The following ERI1 variants were observed in gnomAD, a reference collection of about 807,000 sequenced individuals.
The protein encoded by ERI1 is exoribonuclease 1.
Under a neutral mutation model 39.7 loss-of-function variants are expected in ERI1, and 39 were observed. That is an observed-to-expected ratio of 0.98 (90% confidence interval 0.76 to 1.28). The LOEUF is 1.28. ERI1 is among the 50% of genes most tolerant of loss of function. The pLI is 0.00. For missense variants in ERI1, 581 were observed against 416.9 expected (o/e 1.39, Z -3.43); for synonymous variants, 204 against 149.6 (o/e 1.36, Z -2.65).
chr8:9,028,952 T>G (rs953718248), intron 6 of ERI1, among the ~76,000 whole-genome samples: 38 of 150,710 alleles, frequency 2.5e-4, no homozygotes, highest in African/African-American at 8.8e-4. Context: ...AGGCACATAT[T>G]GGAATTTGGG....
At chr8:9,095,170 C>T (rs1799837370) in intron 3 of ERI1, among the ~76,000 whole-genome samples, 1 of 152,186 alleles carries the variant, frequency 6.6e-6, no homozygotes, top group African/African-American at 2.4e-5. Context: ...TGTAGGGCTT[C>T]ATGAGTGCTA....
At chr8:9,027,620 T>A (rs1455969060) in intron 6 of ERI1, among the ~76,000 whole-genome samples, 1 of 152,208 alleles carries the variant, frequency 6.6e-6, no homozygotes, top group Non-Finnish European at 1.5e-5. Flanking sequence ...TGTCTTACAT[T>A]TAGGTCTTTG....
chr8:9,007,989 T>G lies in ERI1; in HGVS notation c.128T>G (p.Phe43Cys), dbSNP rs1382629413. Reference protein sequence around the residue: ...PSPEETQQCKFDGQETKGSKF... With the variant: ...PSPEETQQCKCDGQETKGSKF... Reference sequence around the variant, plus strand: ...TGGTAGGAAACTCAACAGTGTAAATTTGATGGCCAGGAGACAAAAGGATCC... The same window carrying G: ...TGGTAGGAAACTCAACAGTGTAAATGTGATGGCCAGGAGACAAAAGGATCC... Residue 43 changes from phenylalanine to cysteine, a missense_variant, in exon 2 of 7, where the codon TTT (phenylalanine) becomes TGT (cysteine). Phe to Cys is a radical substitution (Grantham distance 205). Transcript: ENST00000250263. 2 of 1,588,086 alleles carry G rather than the reference T, an allele frequency of 1.3e-6. No homozygotes were observed. Among genetic ancestry groups the G allele is most frequent in the Non-Finnish European group, 1.7e-6 (2 of 1,173,454 alleles).
chr8:9,066,341 T>C (rs1373006031), intron 3 of ERI1, among the ~76,000 whole-genome samples: 3 of 152,218 alleles, frequency 2.0e-5, no homozygotes, highest in African/African-American at 7.2e-5. Context: ...CACAGATGGA[T>C]GTCTGTGACA....
At chr8:9,059,047 G>T (rs3958882) in intron 3 of ERI1, among the ~76,000 whole-genome samples, 1 of 152,012 alleles carries the variant, frequency 6.6e-6, no homozygotes, top group Non-Finnish European at 1.5e-5. Context: ...CCGTTTTATA[G>T]GATTTGGGTA....
Position 9,068,205 on chromosome 8 carries a change from A to C in ERI1, n.299+47741A>C, listed in dbSNP as rs200262969. ...AATAGTATTATATACAATTGACCTG[A>C]GACTGTCTCAGATTTAAAGAAGCGT... On this transcript the variant is annotated intron_variant and non_coding_transcript_variant, in intron 3 of 3. Transcript: ENST00000518663. Among the ~76,000 whole-genome samples, 23 of 152,304 alleles carry C rather than the reference A, an allele frequency of 1.5e-4. No individual in the cohort carries two copies. The East Asian group carries it at 4.0e-3, about 27-fold the overall frequency.
At chr8:9,065,424 A>G (rs986578851) in intron 3 of ERI1, among the ~76,000 whole-genome samples, 1 of 152,166 alleles carries the variant, frequency 6.6e-6, no homozygotes, top group African/African-American at 2.4e-5. Context: ...AGCTGGGCGC[A>G]GTGGCTCACA....
intron 3 of ERI1, among the ~76,000 whole-genome samples, chr8:9,075,144 A>T (rs1799168660): frequency 6.6e-6 from 1 of 152,194 alleles, no homozygotes; most frequent in Non-Finnish European, 1.5e-5. Flanking sequence ...ATGTTTTCTA[A>T]ATGAATCTGA....
rs74692219 is a variant in ERI1, at chr8:9,020,900, T to G, written c.807+436T>G. 5.9e-5 allele frequency among the ~76,000 whole-genome samples: 9 copies of G among 152,328 alleles called. No individual in the cohort carries two copies. In the East Asian group the frequency reaches 1.5e-3, roughly 26 times the overall value. On this transcript the variant is annotated intron_variant, in intron 6 of 6. Coordinates refer to ENST00000250263, the MANE Select transcript of ERI1 (RefSeq NM_153332.4). ...TTCTGAGGCAAACACTTTCAACTTA[T>G]GTAAAGCTCTGTTTTTGTTTTTGTT...
chr8:9,087,139 C>T (rs1376435287), intron 3 of ERI1, among the ~76,000 whole-genome samples: 1 of 152,032 alleles, frequency 6.6e-6, no homozygotes, highest in Non-Finnish European at 1.5e-5. Context: ...CCCACCAACC[C>T]ATCATCTAGG....
At chr8:9,043,584 CTT>C (rs1011158054) in intron 3 of ERI1, among the ~76,000 whole-genome samples, 4 of 152,204 alleles carry the variant, frequency 2.6e-5, no homozygotes, top group African/African-American at 9.7e-5. Context: ...TTGGTAGAAA[CTT>C]TTAAATAGAT....
At chr8:9,038,690 G>A (rs1797927695) in intron 3 of ERI1, among the ~76,000 whole-genome samples, 1 of 152,228 alleles carries the variant, frequency 6.6e-6, no homozygotes, top group Non-Finnish European at 1.5e-5. Flanking sequence ...CCAGCAGGTG[G>A]AGGCTACATT....
At chr8:9,047,421 C>G (rs1798208262) in intron 3 of ERI1, among the ~76,000 whole-genome samples, 2 of 152,122 alleles carry the variant, frequency 1.3e-5, no homozygotes, top group African/African-American at 2.4e-5. Context: ...CAGATGCTTG[C>G]CACTAGGAGA....
chr8:9,038,163 C>A (rs1478015137), downstream of ERI1, among the ~76,000 whole-genome samples: 1 of 152,198 alleles, frequency 6.6e-6, no homozygotes, highest in African/African-American at 2.4e-5. Context: ...GTACCATCAT[C>A]TGCATAGAAA....
intron 3 of ERI1, among the ~76,000 whole-genome samples, chr8:9,067,384 G>GTGTA (rs1798911742): frequency 3.5e-4 from 5 of 14,402 alleles, no homozygotes; most frequent in Non-Finnish European, 5.1e-4. Context: ...CTGTGTGCAT[G>GTGTA]TGTGTGTGTG....
intron 3 of ERI1, among the ~76,000 whole-genome samples, chr8:9,046,502 G>A (rs1464796302): frequency 6.6e-6 from 1 of 152,170 alleles, no homozygotes; most frequent in Middle Eastern, 3.2e-3. Context: ...CTCCGGCTAA[G>A]GACAGCACAA....
intron 3 of ERI1, among the ~76,000 whole-genome samples, chr8:9,042,470 C>T (rs1335518272): frequency 2.0e-5 from 3 of 152,208 alleles, no homozygotes; most frequent in African/African-American, 4.8e-5. Flanking sequence ...GCCTCCAACA[C>T]ACACACAGCC....
intron 3 of ERI1, among the ~76,000 whole-genome samples, chr8:9,064,211 C>T: frequency 7.5e-6 from 1 of 133,298 alleles, no homozygotes; most frequent in Non-Finnish European, 1.6e-5. Context: ...AGAAGCGATA[C>T]TTGCCGCTAA....
chr8:9,016,295 C>T (rs768074086), intron 3 of ERI1, 27 bp from the exon 4 acceptor site: 5 of 1,479,170 alleles, frequency 3.4e-6, no homozygotes, highest in Non-Finnish European at 3.7e-6. Flanking sequence ...ATATAAATTA[C>T]TTTAACTTGC....
Sources: gnomAD v4.1 joint callset for allele counts (sites outside exome capture counted in the v4.1 genomes callset) on GRCh38, gnomAD v4.1.1 for gene constraint, MANE v1.5 for transcripts, NCBI Gene and HGNC (gene_info 2026-07-23, HGNC 2026-07-21) for gene names.